Variants in KCNJ6 observed in about 807,000 individuals in gnomAD.
The protein encoded by KCNJ6 is G protein-activated inward rectifier potassium channel 2.
In KCNJ6, 9 loss-of-function variants were observed where a neutral mutation model predicts 34.2. That is an observed-to-expected ratio of 0.26 (90% confidence interval 0.16 to 0.46). The LOEUF is 0.46. Ranked by LOEUF, KCNJ6 falls within the 20% of genes least tolerant of loss-of-function variation. KCNJ6 has a pLI of 1.00. For missense variants in KCNJ6, 236 were observed against 531.3 expected (o/e 0.44, Z 5.46); for synonymous variants, 196 against 207.1 (o/e 0.95, Z 0.46).
chr21:37,859,530 T>TATATATAA (rs1245250949), intron 1 of KCNJ6, among the ~76,000 whole-genome samples: 5 of 94,756 alleles, frequency 5.3e-5, no homozygotes, highest in Non-Finnish European at 1.0e-4. Flanking sequence ...TATATATATA[T>TATATATAA]AAAATACTTA....
At chr21:37,914,011 GTGTGTGTGT>G (rs2055880792) in intron 1 of KCNJ6, among the ~76,000 whole-genome samples, 3 of 121,562 alleles carry the variant, frequency 2.5e-5, no homozygotes, top group East Asian at 2.1e-4. Context: ...GGATCGGGGT[GTGTGTGTGT>G]GTGTGTGTGT....
chr21:37,891,049 C>T (rs1369329614), intron 1 of KCNJ6, among the ~76,000 whole-genome samples: 2 of 152,162 alleles, frequency 1.3e-5, no homozygotes, highest in Non-Finnish European at 2.9e-5. Flanking sequence ...CTCTGATCTC[C>T]TGAATCTAAC....
At chr21:37,889,748 C>T (rs1249076309) in intron 1 of KCNJ6, among the ~76,000 whole-genome samples, 2 of 152,206 alleles carry the variant, frequency 1.3e-5, no homozygotes, top group African/African-American at 4.8e-5. Flanking sequence ...AGACCCATCA[C>T]TCCAATCTCT....
At chr21:37,732,796 G>T (rs929808277) in intron 2 of KCNJ6, among the ~76,000 whole-genome samples, 2 of 152,066 alleles carry the variant, frequency 1.3e-5, no homozygotes, top group African/African-American at 4.8e-5. Flanking sequence ...CCTCTCCTGG[G>T]GATGACAGAA....
At chr21:37,771,861 T>C (rs1033225215) in intron 2 of KCNJ6, among the ~76,000 whole-genome samples, 7 of 152,208 alleles carry the variant, frequency 4.6e-5, no homozygotes, top group African/African-American at 1.2e-4. Flanking sequence ...GTGTTGAAGA[T>C]AATTCTTTAT....
intron 2 of KCNJ6, among the ~76,000 whole-genome samples, chr21:37,819,481 A>G (rs2055363602): frequency 1.3e-5 from 2 of 152,204 alleles, no homozygotes; most frequent in African/African-American, 4.8e-5. Flanking sequence ...GACAAATCTG[A>G]AAGGACATTA....
intron 3 of KCNJ6, among the ~76,000 whole-genome samples, chr21:37,708,501 T>C (rs532458597): frequency 2.6e-5 from 4 of 152,346 alleles, no homozygotes; most frequent in Middle Eastern, 3.4e-3. Context: ...CTACACTTAA[T>C]GCTCAAAAAG....
chr21:37,767,810 G>C (rs893715417), intron 2 of KCNJ6, among the ~76,000 whole-genome samples: 1 of 152,150 alleles, frequency 6.6e-6, no homozygotes, highest in Admixed American at 6.5e-5. Context: ...ATTGTATTTT[G>C]AGAAATCGTG....
At chr21:37,691,356 T>C (rs1370037789) in intron 3 of KCNJ6, among the ~76,000 whole-genome samples, 1 of 152,164 alleles carries the variant, frequency 6.6e-6, no homozygotes, top group Non-Finnish European at 1.5e-5. Flanking sequence ...CCCTCCCTTA[T>C]TGGGGGCTGT....
intron 2 of KCNJ6, among the ~76,000 whole-genome samples, chr21:37,742,507 A>G (rs370897373): frequency 0.026 from 640 of 24,286 alleles, 4 homozygotes; most frequent in African/African-American, 0.12. Context: ...ACCCAGAAAA[A>G]TATTAAAAAG....
chr21:37,789,906 G>A (rs567544413), intron 2 of KCNJ6, among the ~76,000 whole-genome samples: 1 of 152,280 alleles, frequency 6.6e-6, no homozygotes, highest in Admixed American at 6.5e-5. Context: ...GAAGGTCAGT[G>A]GCTCTATACA....
intron 2 of KCNJ6, among the ~76,000 whole-genome samples, chr21:37,780,073 G>A (rs1049132133): frequency 6.6e-6 from 1 of 152,076 alleles, no homozygotes; most frequent in African/African-American, 2.4e-5. Flanking sequence ...GCGTGGATAA[G>A]AATTATTACC....
At chr21:37,689,647 C>T (rs2054630935) in intron 3 of KCNJ6, among the ~76,000 whole-genome samples, 1 of 152,114 alleles carries the variant, frequency 6.6e-6, no homozygotes, top group Non-Finnish European at 1.5e-5. Flanking sequence ...CAAGAATTAA[C>T]AATCTATTGG....
intron 2 of KCNJ6, among the ~76,000 whole-genome samples, chr21:37,717,544 G>A (rs2054799844): frequency 2.0e-5 from 3 of 152,180 alleles, no homozygotes; most frequent in African/African-American, 4.8e-5. Context: ...ATGGCAGGGT[G>A]TTCTTGTCCT....
chr21:37,844,031 C>T (rs915800), intron 1 of KCNJ6, among the ~76,000 whole-genome samples: 68,011 of 151,280 alleles, frequency 0.45, 15,533 homozygotes, highest in East Asian at 0.67. Context: ...TGCTGTCCAC[C>T]TCTTCTTCCT....
chr21:37,669,270 T>A (rs2123406331), intron 3 of KCNJ6, among the ~76,000 whole-genome samples: 1 of 152,268 alleles, frequency 6.6e-6, no homozygotes, highest in South Asian at 2.1e-4. Context: ...ATACCTCACA[T>A]GTATTGATTG....
intron 1 of KCNJ6, among the ~76,000 whole-genome samples, chr21:37,884,516 T>C (rs1056241930): frequency 2.0e-5 from 3 of 152,186 alleles, no homozygotes; most frequent in Non-Finnish European, 4.4e-5. Context: ...TTGTCTACCC[T>C]GTTGCTGGGT....
rs939161637 is a variant in KCNJ6, at chr21:37,614,096, A to G, written c.*11063T>C. Reference sequence around the variant, plus strand: ...ATAAAATTTATCAAGTTTTTAAAAAAGGGGTGGAGGAAGCTATTTCCGACC... The same window carrying G: ...ATAAAATTTATCAAGTTTTTAAAAAGGGGGTGGAGGAAGCTATTTCCGACC... On this transcript the variant is annotated 3_prime_UTR_variant, in exon 4 of 4. Transcript: ENST00000609713. The G allele has an allele frequency of 6.6e-6, 1 of 152,148 alleles. No homozygotes were observed. The highest frequency in any genetic ancestry group is 1.5e-5 in the Non-Finnish European group (1 of 68,022). The allele number at this position is 152,148 out of a possible 1,614,324, so 9.4% of individuals were successfully genotyped here.
intron 2 of KCNJ6, among the ~76,000 whole-genome samples, chr21:37,823,838 G>T (rs183290823): frequency 5.5e-4 from 56 of 101,730 alleles, no homozygotes; most frequent in East Asian, 1.1e-3. Flanking sequence ...GGGATGGGGA[G>T]ATGTTGGTCA....
Sources: allele counts gnomAD v4.1 joint callset (sites outside exome capture counted in the v4.1 genomes callset), GRCh38; gene constraint gnomAD v4.1.1; transcripts MANE v1.5; gene names NCBI Gene and HGNC (gene_info 2026-07-23, HGNC 2026-07-21).